Variants in MSI2 observed in about 807,000 individuals in gnomAD.
MSI2 encodes the protein musashi RNA binding protein 2, also known as RNA-binding protein Musashi homolog 2.
MSI2 carries 17 observed loss-of-function variants against 45.6 expected under a neutral mutation model. The observed-to-expected ratio is 0.37, with a 90% CI of 0.26 to 0.56. The LOEUF is 0.56. Among genes scored for constraint, MSI2 ranks in the 20% least tolerant of loss-of-function variants. The pLI is 0.77. For missense variants in MSI2, 293 were observed against 444.2 expected (o/e 0.66, Z 3.06); for synonymous variants, 156 against 158.2 (o/e 0.99, Z 0.11).
At chr17:57,510,373 G>A (rs1448484817) in intron 6 of MSI2, among the ~76,000 whole-genome samples, 1 of 150,496 alleles carries the variant, frequency 6.6e-6, no homozygotes, top group African/African-American at 2.4e-5. Flanking sequence ...ACTGGCGTGA[G>A]CTCCTAAATA....
At chr17:57,628,434 G>A (rs1909014955) in intron 10 of MSI2, 1 of 152,252 alleles carries the variant, frequency 6.6e-6, no homozygotes, top group Non-Finnish European at 1.5e-5. Flanking sequence ...GAGATGAGGA[G>A]GCATTTGGGG....
At chr17:57,540,338 T>C (rs1030127577) in intron 7 of MSI2, among the ~76,000 whole-genome samples, 4 of 152,220 alleles carry the variant, frequency 2.6e-5, no homozygotes, top group Admixed American at 6.5e-5. Context: ...GGCTTGCTGA[T>C]TGGAGAGAAT....
At chr17:57,655,184 G>T (rs951200105) in intron 11 of MSI2, among the ~76,000 whole-genome samples, 1 of 152,100 alleles carries the variant, frequency 6.6e-6, no homozygotes, top group African/African-American at 2.4e-5. Context: ...ACCCCACCAG[G>T]TGAGGTCCCT....
intron 6 of MSI2, among the ~76,000 whole-genome samples, chr17:57,479,350 A>C (rs752524714): frequency 6.6e-6 from 1 of 152,184 alleles, no homozygotes; most frequent in Non-Finnish European, 1.5e-5. Flanking sequence ...GACCTGGAGC[A>C]TAGGTTCCTT....
At position 57,480,254 on chromosome 17, in the gene MSI2, C is replaced by T. The variant is rs530291412; in HGVS notation, c.406-49422C>T. ...CTGGGGTTACACATGTGAGCCACCA[C>T]GCCCAGCCACGAAGGCTCTTTTGTC... On this transcript the variant is annotated intron_variant, in intron 6 of 13. Coordinates refer to ENST00000284073, the MANE Select transcript of MSI2 (RefSeq NM_138962.4). Among the ~76,000 whole-genome samples, 7 of 152,276 alleles carry T rather than the reference C, an allele frequency of 4.6e-5. No individual in the cohort carries two copies. The South Asian group carries it at 1.2e-3, about 27-fold the overall frequency.
intron 6 of MSI2, chr17:57,450,268 AAAGAAAGAAAGAAAG>A (rs2084978481): frequency 1.2e-5 from 1 of 82,964 alleles, no homozygotes; most frequent in African/African-American, 5.4e-5. Context: ...AGAAAGAAAG[AAAGAAAGAAAGAAAG>A]AAAGAAAGAA....
chr17:57,359,180 T>C (rs1280105304), intron 5 of MSI2, among the ~76,000 whole-genome samples: 1 of 152,166 alleles, frequency 6.6e-6, no homozygotes, highest in African/African-American at 2.4e-5. Context: ...CTGCTTGGGT[T>C]TGGGGAGTGG....
At chr17:57,539,921 C>A (rs1310373293) in intron 7 of MSI2, among the ~76,000 whole-genome samples, 1 of 152,212 alleles carries the variant, frequency 6.6e-6, no homozygotes, top group Non-Finnish European at 1.5e-5. Context: ...CACAGCGTGG[C>A]AAATGCAGAA....
chr17:57,576,029 A>G (rs1388596196), intron 7 of MSI2, among the ~76,000 whole-genome samples: 1 of 151,792 alleles, frequency 6.6e-6, no homozygotes, highest in Non-Finnish European at 1.5e-5. Context: ...TTTCTTACTT[A>G]AAACTTGGTC....
intron 5 of MSI2, among the ~76,000 whole-genome samples, chr17:57,332,187 A>G (rs986581284): frequency 6.9e-6 from 1 of 144,430 alleles, no homozygotes; most frequent in Non-Finnish European, 1.5e-5. Context: ...TGCAACCTCC[A>G]CCTCCGCGGT....
intron 7 of MSI2, among the ~76,000 whole-genome samples, chr17:57,572,544 CTT>C (rs1466905167): frequency 2.0e-5 from 3 of 152,226 alleles, no homozygotes. Context: ...GTCTGCTTGT[CTT>C]TGTCCATTTT....
In MSI2 at chr17:57,563,741, G is replaced by GGCGC. The variant is rs1410055465; in HGVS notation, c.455-33124_455-33121dup. Among the ~76,000 whole-genome samples the GGCGC allele has an allele frequency of 9.5e-3, 957 of 100,974 alleles. 12 individuals are homozygous for GGCGC. Among genetic ancestry groups the GGCGC allele is most frequent in the Middle Eastern group, 0.012 (2 of 164 alleles). 66.2% of individuals were successfully genotyped at this position (100,974 alleles called of 152,430 possible). ...TCTCTTTCCCTCTCACACACACACA[G>GGCGC]GCGCGCACACACACACACACACACA... On this transcript the variant is annotated intron_variant, in intron 7 of 13. Coordinates refer to ENST00000284073, the MANE Select transcript of MSI2 (RefSeq NM_138962.4).
At chr17:57,560,323 A>C (rs539804804) in intron 7 of MSI2, among the ~76,000 whole-genome samples, 16 of 152,188 alleles carry the variant, frequency 1.1e-4, no homozygotes, top group African/African-American at 3.6e-4. Flanking sequence ...AAGCCCCTCC[A>C]CTGAAACTCC....
chr17:57,464,015 G>A (rs111229444), intron 6 of MSI2, among the ~76,000 whole-genome samples: 3,310 of 128,030 alleles, frequency 0.026, 52 homozygotes, highest in Middle Eastern at 0.04. Context: ...GTGTGTGTGT[G>A]TGTGTATGTG....
intron 5 of MSI2, among the ~76,000 whole-genome samples, chr17:57,352,745 C>T (rs888137321): frequency 1.3e-5 from 2 of 151,764 alleles, no homozygotes; most frequent in African/African-American, 4.9e-5. Flanking sequence ...TTCTTATGTT[C>T]AAGCTTCTTG....
chr17:57,497,603 T>G lies in MSI2; in HGVS notation c.406-32073T>G, dbSNP rs956200248. 2.0e-5 allele frequency among the ~76,000 whole-genome samples: 3 copies of G among 152,234 alleles called. No homozygotes were observed. The South Asian group carries it at 6.2e-4, about 32-fold the overall frequency. On this transcript the variant is annotated intron_variant, in intron 6 of 13. Coordinates refer to ENST00000284073, the MANE Select transcript of MSI2 (RefSeq NM_138962.4). ...ATGTCTGAAGGCCATGTTTTTCAGC[T>G]AGTCCTGTACTTTTTTTAAAGTATG...
rs536506143 is a variant in MSI2 at position 57,663,078 on chromosome 17, C to G, written c.790+10917C>G. On this transcript the variant is annotated intron_variant, in intron 11 of 13. Coordinates refer to ENST00000284073, the MANE Select transcript of MSI2 (RefSeq NM_138962.4). Reference sequence around the variant, plus strand: ...TTTTTCCTGTGGGCTGCGAGGACCGCTTCTGGAAGGTCGCTGGGAAGCCCC... The same window carrying G: ...TTTTTCCTGTGGGCTGCGAGGACCGGTTCTGGAAGGTCGCTGGGAAGCCCC... Among the ~76,000 whole-genome samples the G allele has an allele frequency of 3.9e-5, 6 of 152,150 alleles. No homozygotes were observed. In the East Asian group the frequency reaches 9.7e-4, roughly 24 times the overall value.
Position 57,423,846 on chromosome 17 carries a change from C to T in MSI2, c.405+22375C>T, listed in dbSNP as rs150264590. On this transcript the variant is annotated intron_variant, in intron 6 of 13. Transcript: ENST00000284073. ...ACCAAAATGCCACAAAGACATGTGGCGCAGCTTTTTCCAGTTTTTCTCTTG... is the reference window on the plus strand; with the variant it reads ...ACCAAAATGCCACAAAGACATGTGGTGCAGCTTTTTCCAGTTTTTCTCTTG... 3.1e-3 allele frequency among the ~76,000 whole-genome samples: 468 copies of T among 152,218 alleles called. 3 individuals are homozygous for T. The highest frequency in any genetic ancestry group is 0.01 in the African/African-American group (429 of 41,534).
At chr17:57,361,374 G>A (rs1427922969) in intron 5 of MSI2, among the ~76,000 whole-genome samples, 1 of 152,044 alleles carries the variant, frequency 6.6e-6, no homozygotes, top group Non-Finnish European at 1.5e-5. Flanking sequence ...GCCAAGGCGG[G>A]CAGATGGACT....
Sources: allele counts gnomAD v4.1 joint callset (sites outside exome capture counted in the v4.1 genomes callset), GRCh38; gene constraint gnomAD v4.1.1; transcripts MANE v1.5; gene names NCBI Gene and HGNC (gene_info 2026-07-23, HGNC 2026-07-21).